ITGA11: variants seen among roughly 807,000 people sequenced by gnomAD.
ITGA11 encodes integrin alpha-11.
In ITGA11, 97 loss-of-function variants were observed where a neutral mutation model predicts 141.9. That is an observed-to-expected ratio of 0.68 (90% confidence interval 0.58 to 0.81). The LOEUF (loss-of-function observed/expected upper bound fraction) is 0.81. ITGA11 is among the 30% of genes least tolerant of loss of function. ITGA11 has a pLI of 0.00. For missense variants in ITGA11, 1,387 were observed against 1,559.2 expected (o/e 0.89, Z 1.86); for synonymous variants, 658 against 624.6 (o/e 1.05, Z -0.80).
intron 1 of ITGA11, among the ~76,000 whole-genome samples, chr15:68,413,945 C>T (rs11637463): frequency 0.4 from 61,283 of 152,066 alleles, 13,712 homozygotes; most frequent in East Asian, 0.71. Flanking sequence ...TGGCATTGTC[C>T]AGGGCCCAGC....
At chr15:68,310,919 G>A in intron 26 of ITGA11, 75 bp downstream of exon 26, 1 of 1,147,400 alleles carries the variant, frequency 8.7e-7, no homozygotes, top group Non-Finnish European at 1.3e-6. Context: ...GGGTCGGGAG[G>A]GAAATGGCCC....
In ITGA11 at chr15:68,331,101, G is replaced by C; in HGVS notation, c.1781C>G (p.Ala594Gly). 1 of 1,597,276 alleles carries C rather than the reference G, an allele frequency of 6.3e-7. No individual in the cohort carries two copies. Among genetic ancestry groups the C allele is most frequent in the Non-Finnish European group, 8.5e-7 (1 of 1,172,144 alleles). The change falls in exon 15 of 30, where the codon GCC becomes GGC. Residue 594 changes from alanine (A) to glycine (G), a missense_variant. By Grantham distance (60) the Ala-to-Gly change is moderately conservative (BLOSUM62 0). Transcript: ENST00000315757. ...CTGGAGGCCGGTAGCCAGCTCTGAGGCTGTGATTCTCTGCAGGGCGCGGGA... is the reference window on the plus strand; with the variant it reads ...CTGGAGGCCGGTAGCCAGCTCTGAGCCTGTGATTCTCTGCAGGGCGCGGGA... The part of the protein sequence containing the change: ...ILKTPKQRIT[A>G]SELATGLQYF...
At chr15:68,320,910 T>C (rs1893784123) in intron 19 of ITGA11, among the ~76,000 whole-genome samples, 1 of 152,240 alleles carries the variant, frequency 6.6e-6, no homozygotes, top group Non-Finnish European at 1.5e-5. Context: ...GTTACATAAA[T>C]TAAGAATATG....
chr15:68,328,054 A>G lies in ITGA11; in HGVS notation c.2068+42T>C, dbSNP rs756446674. On this transcript the variant is annotated intron_variant, in intron 16 of 29. Coordinates refer to ENST00000315757, the MANE Select transcript of ITGA11 (RefSeq NM_001004439.2). This position sits in a 1 kb window ranked among gnomAD's most constrained non-coding sequence, Gnocchi z 4.8. The stretch of plus-strand genomic sequence containing the variant: ...GAAATAGAGCAAGGTGCAGGGGGAG[A>G]CTGGAGTCTGGGGGTGGGGAGAAAG... The G allele has an allele frequency of 3.2e-5, 50 of 1,574,020 alleles. No homozygotes were observed. The highest frequency in any genetic ancestry group is 9.4e-5 in the South Asian group (8 of 85,294).
At chr15:68,396,316 C>T (rs979014317) in intron 2 of ITGA11, among the ~76,000 whole-genome samples, 3 of 151,910 alleles carry the variant, frequency 2.0e-5, no homozygotes, top group African/African-American at 7.3e-5. Flanking sequence ...GAAGGAGAAC[C>T]TTATGTCAGG....
At position 68,325,283 on chromosome 15, in the gene ITGA11, C is replaced by T. The variant is rs200157639; in HGVS notation, c.2212-42G>A. 488 of 1,359,626 alleles carry T rather than the reference C, an allele frequency of 3.6e-4. No individual in the cohort carries two copies. In the African/African-American group the frequency reaches 5.9e-3, roughly 16 times the overall value. 84.2% of individuals were successfully genotyped at this position (1,359,626 alleles called of 1,614,324 possible). A position where few individuals can be genotyped will look rare whatever the true frequency, so the allele number is the denominator to read the frequency against. ...AGGGCAGCGGTGAGGGAGGAGAGAA[C>T]GTCATTTTATGAGCCAGGACCGTGG... On this transcript the variant is annotated intron_variant, in intron 17 of 29. Transcript: ENST00000315757. The surrounding 1 kb of genome is among the most constrained non-coding windows in gnomAD (Gnocchi z 5.5).
intron 10 of ITGA11, among the ~76,000 whole-genome samples, chr15:68,345,175 C>T (rs377470288): frequency 8.5e-5 from 13 of 152,260 alleles, no homozygotes; most frequent in African/African-American, 3.1e-4. Context: ...TAATGGAAGC[C>T]ACTCTGGCTC....
intron 15 of ITGA11, among the ~76,000 whole-genome samples, chr15:68,330,220 C>G (rs1348831014): frequency 6.6e-6 from 1 of 152,194 alleles, no homozygotes; most frequent in Non-Finnish European, 1.5e-5. Flanking sequence ...TGAACAGGAG[C>G]CTGTCTTTTC....
chr15:68,361,300 T>A (rs981098641), intron 5 of ITGA11, among the ~76,000 whole-genome samples: 5 of 152,180 alleles, frequency 3.3e-5, no homozygotes, highest in Non-Finnish European at 7.4e-5. Flanking sequence ...CCAGGTAACC[T>A]CCTATATACC....
chr15:68,419,244 C>T (rs772704771), intron 1 of ITGA11, among the ~76,000 whole-genome samples: 45 of 152,096 alleles, frequency 3.0e-4, no homozygotes, highest in Non-Finnish European at 5.1e-4. Flanking sequence ...TCAGTACAGG[C>T]CAATTTTTCA....
intron 2 of ITGA11, among the ~76,000 whole-genome samples, chr15:68,388,451 A>G (rs1896037729): frequency 6.6e-6 from 1 of 152,058 alleles, no homozygotes; most frequent in Admixed American, 6.6e-5. Context: ...CACTGTTCCC[A>G]AGCCCACTTA....
intron 2 of ITGA11, among the ~76,000 whole-genome samples, chr15:68,395,112 A>G (rs1260939088): frequency 1.3e-5 from 2 of 152,180 alleles, no homozygotes; most frequent in African/African-American, 4.8e-5. Flanking sequence ...AAACTAACAA[A>G]CAGAAAGGAA....
intron 19 of ITGA11, 76 bp from the exon 20 acceptor site, chr15:68,320,468 G>A (rs2140287167): frequency 3.0e-6 from 4 of 1,322,252 alleles, no homozygotes; most frequent in Middle Eastern, 2.2e-4. Flanking sequence ...CCAGGGTTGG[G>A]GCAAAAAGGT....
chr15:68,336,456 A>G (rs1356599018), intron 11 of ITGA11, among the ~76,000 whole-genome samples: 1 of 152,140 alleles, frequency 6.6e-6, no homozygotes, highest in African/African-American at 2.4e-5. Flanking sequence ...AGCCCCATAC[A>G]TACAGCATGC....
chr15:68,409,509 C>T (rs1424175565), intron 1 of ITGA11, among the ~76,000 whole-genome samples: 2 of 151,558 alleles, frequency 1.3e-5, no homozygotes, highest in African/African-American at 4.9e-5. Context: ...GATACTCTAC[C>T]TATCAGTACT....
rs184175267 is a variant in ITGA11 at position 68,347,596 on chromosome 15, C to T, written c.1131+1234G>A. 3.5e-4 allele frequency among the ~76,000 whole-genome samples: 54 copies of T among 152,254 alleles called. 1 individual carries two copies. The highest frequency in any genetic ancestry group is 3.1e-3 in the Admixed American group (47 of 15,296). On this transcript the variant is annotated intron_variant, in intron 10 of 29. Transcript: ENST00000315757. ...TGCCGGCTGCATGTCACGCACATGT[C>T]CCCCTCCCCTCCAGTTTGGAAGTTC... is the stretch of plus-strand genomic sequence containing the variant.
intron 7 of ITGA11, 145 bp downstream of exon 7, chr15:68,357,006 G>A (rs1327452457): frequency 1.3e-6 from 1 of 746,526 alleles, no homozygotes; most frequent in East Asian, 2.8e-5. Context: ...GACCAGCTGA[G>A]CCCAGTCAAA....
At chr15:68,317,615 C>CG (rs71455592) in intron 20 of ITGA11, among the ~76,000 whole-genome samples, 21,501 of 151,996 alleles carry the variant, frequency 0.14, 1,693 homozygotes, top group Admixed American at 0.19. Context: ...GGGAGGATGG[C>CG]GGGGGCTCAT....
chr15:68,313,512 T>G (rs1161056947), intron 23 of ITGA11, among the ~76,000 whole-genome samples: 1 of 152,040 alleles, frequency 6.6e-6, no homozygotes, highest in Non-Finnish European at 1.5e-5. Context: ...CGCCTCCCAC[T>G]GCCCCCACCC....
Sources: gnomAD v4.1 joint callset for allele counts (sites outside exome capture counted in the v4.1 genomes callset) on GRCh38, gnomAD v4.1.1 for gene constraint, Gnocchi (gnomAD v3.1) non-coding constraint, MANE v1.5 for transcripts, NCBI Gene and HGNC (gene_info 2026-07-23, HGNC 2026-07-21) for gene names.